The following SRSF11 variants were observed in gnomAD, a reference collection of about 807,000 sequenced individuals.
SRSF11 encodes the protein serine and arginine rich splicing factor 11, also known as serine/arginine-rich splicing factor 11.
SRSF11 carries 9 observed loss-of-function variants against 56.0 expected under a neutral mutation model. The ratio of observed to expected loss-of-function variants is 0.16; its 90% CI spans 0.10 to 0.28. SRSF11 has a LOEUF of 0.28. SRSF11 is among the 10% of genes least tolerant of loss of function. The probability of loss-of-function intolerance (pLI) is 1.00; values close to 1 mark genes in which losing one functional copy is unlikely to be tolerated. For synonymous variants in SRSF11, 222 were observed against 215.3 expected (o/e 1.03, Z -0.27); for missense variants, 421 against 600.7 (o/e 0.70, Z 3.13).
At chr1:70,230,060 A>G in intron 2 of SRSF11, 2 of 985,440 alleles carry the variant, frequency 2.0e-6, no homozygotes, top group Non-Finnish European at 2.4e-6. Context: ...TGTGAGTAAT[A>G]TGTAAAACAT....
chr1:70,211,326 A>G (rs1440197118), intron 1 of SRSF11, among the ~76,000 whole-genome samples: 1 of 151,546 alleles, frequency 6.6e-6, no homozygotes, highest in Non-Finnish European at 1.5e-5. Flanking sequence ...CTTCATATCC[A>G]CCCCCTCCCA....
rs573474256 is a variant in SRSF11, at chr1:70,252,121, G to A, written c.*1316G>A. ...TCCACATATTTCAGTATAGTAAAAA[G>A]AGGAAGTCTATCACTGTAGTGATAA... On this transcript the variant is annotated 3_prime_UTR_variant, in exon 12 of 12. Coordinates refer to ENST00000370949, the MANE Select transcript of SRSF11 (RefSeq NM_001350605.2). 12 of 152,586 alleles carry A rather than the reference G, an allele frequency of 7.9e-5. No homozygotes were observed. In the South Asian group the frequency reaches 1.7e-3, roughly 21 times the overall value. 9.5% of individuals were successfully genotyped at this position (152,586 alleles called of 1,614,324 possible). A position where few individuals can be genotyped will look rare whatever the true frequency, so the allele number is the denominator to read the frequency against.
intron 2 of SRSF11, chr1:70,230,362 T>A: frequency 9.3e-7 from 1 of 1,072,724 alleles, no homozygotes; most frequent in Non-Finnish European, 1.1e-6. Flanking sequence ...TACACTTCGG[T>A]GTTAGCTCTT....
chr1:70,223,937 C>T (rs558175087), intron 1 of SRSF11, among the ~76,000 whole-genome samples: 1 of 152,262 alleles, frequency 6.6e-6, no homozygotes, highest in South Asian at 2.1e-4. Flanking sequence ...CCTTCTTCAT[C>T]TCTGGGTTCC....
Position 70,250,678 on chromosome 1 carries a change from AACC to A in SRSF11, c.1330_1332del (p.Pro444del). On this transcript the variant is annotated inframe_deletion, in exon 12 of 12. Transcript: ENST00000370949. The stretch of plus-strand genomic sequence containing the variant: ...GAGAAAGAGAAAAAAGAAGAGAAGA[AACC>A]AATAGAAACAGGTTCCCCTAAAACA... The A allele has an allele frequency of 6.2e-7, 1 of 1,614,016 alleles. No individual in the cohort carries two copies. The highest frequency in any genetic ancestry group is 8.5e-7 in the Non-Finnish European group (1 of 1,179,964).
At chr1:70,243,784 T>C (rs1035633944) in intron 7 of SRSF11, among the ~76,000 whole-genome samples, 1 of 152,170 alleles carries the variant, frequency 6.6e-6, no homozygotes. Context: ...GTTGTGGTGG[T>C]TAATGCCTAT....
rs1249254069 is a variant in SRSF11, at chr1:70,231,805, CT to C, written c.338-462del. 4 of 1,373,326 alleles carry C rather than the reference CT, an allele frequency of 2.9e-6. No individual in the cohort carries two copies. In the African/African-American group the frequency reaches 4.3e-5, roughly 15 times the overall value. 85.1% of individuals were successfully genotyped at this position (1,373,326 alleles called of 1,614,324 possible). A position where few individuals can be genotyped will look rare whatever the true frequency, so the allele number is the denominator to read the frequency against. On this transcript the variant is annotated intron_variant, in intron 2 of 11. Coordinates refer to ENST00000370949, the MANE Select transcript of SRSF11 (RefSeq NM_001350605.2). ...AGTAACTGTACCATATTATTAACCC[CT>C]AAATCAAACTTTTTTTGTCTTGTGT... is the stretch of plus-strand genomic sequence containing the variant.
Position 70,221,429 on chromosome 1 carries a change from C to T in SRSF11, c.-208C>T. On this transcript the variant is annotated 5_prime_UTR_variant, in exon 1 of 12. Transcript: ENST00000370949. ...GGGCGGCCGTTTGTTTTCTCGTGGT[C>T]TCGAGCTCGCGCGCTCTCATCCCCT... is the stretch of plus-strand genomic sequence containing the variant. 1.7e-6 allele frequency: 1 copy of T among 575,150 alleles called. No individual in the cohort carries two copies. Among genetic ancestry groups the T allele is most frequent in the Non-Finnish European group, 2.9e-6 (1 of 347,766 alleles). 35.6% of individuals were successfully genotyped at this position (575,150 alleles called of 1,614,324 possible).
rs1558205256 is a variant in SRSF11, at chr1:70,239,485, TAGG to T, written c.776_778del (p.Arg259del). The T allele has an allele frequency of 1.9e-6, 3 of 1,609,798 alleles. No individual in the cohort carries two copies. The highest frequency in any genetic ancestry group is 1.3e-5 in the African/African-American group (1 of 74,652). On this transcript the variant is annotated inframe_deletion, in exon 7 of 12. Transcript: ENST00000370949. The stretch of plus-strand genomic sequence containing the variant: ...GGCATTCAAGATCAAGATCACGTTC[TAGG>T]AGGAGGAGGACTCCCTCATCTTCTA...
chr1:70,238,331 A>G (rs571803387), intron 6 of SRSF11, among the ~76,000 whole-genome samples: 7 of 152,334 alleles, frequency 4.6e-5, no homozygotes, highest in African/African-American at 1.4e-4. Context: ...TATTGAAAAT[A>G]TATGATTAAA....
chr1:70,251,871 T>C lies in SRSF11; in HGVS notation c.*1066T>C, dbSNP rs1213072415. ...TATATATGCAAAGTAGGCAACTGTT[T>C]TCTTAGTTACAGAAGTTTCAAGCTT... On this transcript the variant is annotated 3_prime_UTR_variant, in exon 12 of 12. Coordinates refer to ENST00000370949, the MANE Select transcript of SRSF11 (RefSeq NM_001350605.2). 2.0e-5 allele frequency: 3 copies of C among 152,608 alleles called. No individual in the cohort carries two copies. The highest frequency in any genetic ancestry group is 7.2e-5 in the African/African-American group (3 of 41,466). The allele number at this position is 152,608 out of a possible 1,614,324, so 9.5% of individuals were successfully genotyped here. A position where few individuals can be genotyped will look rare whatever the true frequency, so the allele number is the denominator to read the frequency against.
rs1678011651 is a variant in SRSF11 at position 70,251,902 on chromosome 1, T to TA, written c.*1097_*1098insA. 6.6e-6 allele frequency: 1 copy of TA among 152,604 alleles called. No homozygotes were observed. The highest frequency in any genetic ancestry group is 2.4e-5 in the African/African-American group (1 of 41,460). 9.5% of individuals were successfully genotyped at this position (152,604 alleles called of 1,614,324 possible). On this transcript the variant is annotated 3_prime_UTR_variant, in exon 12 of 12. Coordinates refer to ENST00000370949, the MANE Select transcript of SRSF11 (RefSeq NM_001350605.2). Reference sequence around the variant, plus strand: ...GTTACAGAAGTTTCAAGCTTCACTTTTGTGCAGTAGAAACAAAAGTAGGCT... The same window carrying TA: ...GTTACAGAAGTTTCAAGCTTCACTTTATGTGCAGTAGAAACAAAAGTAGGCT...
At chr1:70,236,060 T>A (rs1393505968) in intron 5 of SRSF11, among the ~76,000 whole-genome samples, 1 of 152,150 alleles carries the variant, frequency 6.6e-6, no homozygotes, top group African/African-American at 2.4e-5. Flanking sequence ...ACTTTATACC[T>A]TTTCCCCTTA....
intron 1 of SRSF11, among the ~76,000 whole-genome samples, chr1:70,214,729 A>G (rs1029335564): frequency 6.6e-6 from 1 of 152,022 alleles, no homozygotes; most frequent in African/African-American, 2.4e-5. Context: ...ACTCATCCTT[A>G]TCCTCTCCCC....
rs1380836510 is a variant in SRSF11, at chr1:70,251,110, G to C, written c.*305G>C. ...TCTACAGCAGGCATGGATTGTTTAT[G>C]TCGTATGATATCCTTTATTAAGTAA... On this transcript the variant is annotated 3_prime_UTR_variant, in exon 12 of 12. Coordinates refer to ENST00000370949, the MANE Select transcript of SRSF11 (RefSeq NM_001350605.2). 3.6e-6 allele frequency: 1 copy of C among 274,216 alleles called. No homozygotes were observed. The allele number at this position is 274,216 out of a possible 1,614,324, so 17.0% of individuals were successfully genotyped here. A position where few individuals can be genotyped will look rare whatever the true frequency, so the allele number is the denominator to read the frequency against.
intron 1 of SRSF11, among the ~76,000 whole-genome samples, chr1:70,223,041 T>C (rs1307837247): frequency 6.6e-5 from 10 of 152,200 alleles, no homozygotes; most frequent in Non-Finnish European, 1.3e-4. Flanking sequence ...ATTCCTGTTA[T>C]TTTGACAGAT....
At position 70,221,755 on chromosome 1, in the gene SRSF11, T is replaced by C. The variant is rs1354628394; in HGVS notation, c.119T>C (p.Val40Ala). 1 of 1,614,034 alleles carries C rather than the reference T, an allele frequency of 6.2e-7. No individual in the cohort carries two copies. ...ACCGAGGTAATCCAGGTGACTAATG[T>C]CTCCCCGAGCGCTAGCTCTGAGCAG... ...GGTEVIQVTNVSPSASSEQMR... is the reference protein window; with the variant it reads ...GGTEVIQVTNASPSASSEQMR... Residue 40 changes from valine to alanine, a missense_variant, in exon 1 of 12, where the codon GTC becomes GCC. Physicochemically the swap from Val to Ala is moderately conservative, Grantham distance 64. Transcript: ENST00000370949.
At chr1:70,249,911 C>T in intron 9 of SRSF11, 41 bp from the exon 10 acceptor site, 1 of 1,584,410 alleles carries the variant, frequency 6.3e-7, no homozygotes, top group Non-Finnish European at 8.7e-7. Flanking sequence ...TTTAAGATCA[C>T]ACTGTATTTT....
chr1:70,225,660 T>G (rs1482563170), intron 1 of SRSF11, among the ~76,000 whole-genome samples: 1 of 152,150 alleles, frequency 6.6e-6, no homozygotes, highest in African/African-American at 2.4e-5. Flanking sequence ...TCAGGTTTTC[T>G]CTCTGTAGTC....
Sources: allele counts gnomAD v4.1 joint callset (sites outside exome capture counted in the v4.1 genomes callset), GRCh38; gene constraint gnomAD v4.1.1; transcripts MANE v1.5; gene names NCBI Gene and HGNC (gene_info 2026-07-23, HGNC 2026-07-21).